The following GATB variants were observed in gnomAD, a reference collection of about 807,000 sequenced individuals.
The protein encoded by GATB is glutamyl-tRNA amidotransferase subunit B, also known as glutamyl-tRNA(Gln) amidotransferase subunit B, mitochondrial.
In GATB, 39 loss-of-function variants were observed where a neutral mutation model predicts 62.3. The observed-to-expected ratio is 0.63, with a 90% CI of 0.48 to 0.82. GATB has a LOEUF of 0.82. Among genes scored for constraint, GATB ranks in the 40% least tolerant of loss-of-function variants. The pLI is 0.00. For synonymous variants in GATB, 276 were observed against 258.9 expected (o/e 1.07, Z -0.63); for missense variants, 670 against 684.0 (o/e 0.98, Z 0.23).
At chr4:151,749,952 G>T (rs1739684541) in intron 2 of GATB, among the ~76,000 whole-genome samples, 1 of 151,982 alleles carries the variant, frequency 6.6e-6, no homozygotes, top group Admixed American at 6.5e-5. Flanking sequence ...CGCTATCTCG[G>T]CTCACTGCAA....
At chr4:151,703,990 CA>C in intron 7 of GATB, 95 bp from the exon 8 acceptor site, 1 of 751,870 alleles carries the variant, frequency 1.3e-6, no homozygotes. Flanking sequence ...GGGGCACAGG[CA>C]AAATCAAACT....
rs150933685 is a variant in GATB at position 151,701,497 on chromosome 4, C to G, written c.1029G>C (p.Leu343=). 6.4e-7 allele frequency: 1 copy of G among 1,569,198 alleles called. No homozygotes were observed. Among genetic ancestry groups the G allele is most frequent in the Non-Finnish European group, 8.7e-7 (1 of 1,155,484 alleles). Reference sequence around the variant, plus strand: ...TGGCGTCGTAGAGCACCAGGGGAGGCAGGTTGGGTTCTGGCATGAACCTGG... The same window carrying G: ...TGGCGTCGTAGAGCACCAGGGGAGGGAGGTTGGGTTCTGGCATGAACCTGG... ...QDYRFMPEPN[L]PPLVLYDATS... Residue 343 remains leucine (L), a synonymous_variant, in exon 9 of 13, where the codon CTG becomes CTC. Transcript: ENST00000263985.
intron 3 of GATB, among the ~76,000 whole-genome samples, chr4:151,718,233 C>T (rs1014895947): frequency 1.3e-5 from 2 of 152,070 alleles, no homozygotes; most frequent in African/African-American, 2.4e-5. Context: ...AAGGCTAACC[C>T]GTTTTCTATG....
intron 11 of GATB, 39 bp downstream of exon 11, chr4:151,679,774 C>G: frequency 6.5e-7 from 1 of 1,546,306 alleles, no homozygotes; most frequent in South Asian, 1.1e-5. Flanking sequence ...TTTCTTGGGA[C>G]AGTAGCACAG....
intron 9 of GATB, among the ~76,000 whole-genome samples, chr4:151,697,969 A>ATATATATATATATGTG (rs1738518131): frequency 4.9e-5 from 5 of 102,484 alleles, no homozygotes; most frequent in South Asian, 8.2e-4. Context: ...ATATATATAT[A>ATATATATATATATGTG]TATATATATA....
intron 2 of GATB, among the ~76,000 whole-genome samples, chr4:151,756,158 G>C (rs1739824486): frequency 6.6e-6 from 1 of 152,200 alleles, no homozygotes; most frequent in African/African-American, 2.4e-5. Context: ...GCCCTGCGCA[G>C]AAAGAGTTTC....
At chr4:151,696,159 G>A (rs534214836) in intron 9 of GATB, among the ~76,000 whole-genome samples, 4 of 152,166 alleles carry the variant, frequency 2.6e-5, no homozygotes, top group South Asian at 4.2e-4. Flanking sequence ...TGCAGAGGAC[G>A]GCTTATATTA....
At chr4:151,678,883 GT>G (rs59396137) in intron 11 of GATB, among the ~76,000 whole-genome samples, 34 of 151,854 alleles carry the variant, frequency 2.2e-4, no homozygotes, top group Non-Finnish European at 4.4e-4. Context: ...CTGGTTATGT[GT>G]TTTTTTTGTT....
Position 151,697,943 on chromosome 4 carries a change from G to GTGTGTGTATATATATATATA in GATB, c.1197+3385_1197+3386insTATATATATATATACACACA, listed in dbSNP as rs1560847608. 4.1e-5 allele frequency among the ~76,000 whole-genome samples: 3 copies of GTGTGTGTATATATATATATA among 73,374 alleles called. 1 individual carries two copies. The highest frequency in any genetic ancestry group is 1.5e-3 in the South Asian group (2 of 1,296). 48.1% of individuals were successfully genotyped at this position (73,374 alleles called of 152,430 possible). On this transcript the variant is annotated intron_variant, in intron 9 of 12. Coordinates refer to ENST00000263985, the MANE Select transcript of GATB (RefSeq NM_004564.3). ...AAAAATCGATTTCATATATATGTGT[G>GTGTGTGTATATATATATATA]TGTGTGTGTGTATATATATATATAT...
intron 2 of GATB, among the ~76,000 whole-genome samples, chr4:151,736,296 A>C (rs535314148): frequency 6.6e-6 from 1 of 152,324 alleles, no homozygotes; most frequent in African/African-American, 2.4e-5. Context: ...TGCATAATCA[A>C]GAGTATGAAA....
rs1046906383 is a variant in GATB, at chr4:151,717,800, T to C, written c.442-726A>G. ...AGAGACAGCAGGTCAATGAGGAGAA[T>C]TGGAGAAGAACAGAGAATAAAAGCA... On this transcript the variant is annotated intron_variant, in intron 3 of 12. Transcript: ENST00000263985. 3.9e-5 allele frequency among the ~76,000 whole-genome samples: 6 copies of C among 152,164 alleles called. 1 individual carries two copies. The South Asian group carries it at 8.3e-4, about 21-fold the overall frequency.
chr4:151,692,809 GTATTT>G (rs1163903613), intron 9 of GATB, among the ~76,000 whole-genome samples: 2 of 152,308 alleles, frequency 1.3e-5, no homozygotes, highest in East Asian at 1.9e-4. Flanking sequence ...TGAGCATATT[GTATTT>G]TATTTATTAT....
intron 6 of GATB, among the ~76,000 whole-genome samples, chr4:151,705,606 C>T (rs780931036): frequency 6.6e-6 from 1 of 152,102 alleles, no homozygotes; most frequent in Non-Finnish European, 1.5e-5. Context: ...GGGCCCTTAC[C>T]CTGGGAGTCT....
intron 8 of GATB, 102 bp from the exon 9 acceptor site, chr4:151,701,620 T>C (rs1042722626): frequency 8.8e-5 from 71 of 809,434 alleles, no homozygotes; most frequent in Middle Eastern, 3.3e-4. Flanking sequence ...TTAGATGCCA[T>C]GTTACTTGCA....
intron 7 of GATB, among the ~76,000 whole-genome samples, 153 bp downstream of exon 7, chr4:151,705,032 G>T (rs994711619): frequency 6.6e-6 from 1 of 152,122 alleles, no homozygotes; most frequent in African/African-American, 2.4e-5. Context: ...CAGGCATGAA[G>T]GGTACAGTAC....
chr4:151,699,787 C>T (rs1738562429), intron 9 of GATB, among the ~76,000 whole-genome samples: 1 of 152,070 alleles, frequency 6.6e-6, no homozygotes, highest in Admixed American at 6.5e-5. Flanking sequence ...TACACACACA[C>T]ACACACACAA....
At chr4:151,680,291 A>C (rs1368021723) in intron 10 of GATB, among the ~76,000 whole-genome samples, 3 of 151,828 alleles carry the variant, frequency 2.0e-5, no homozygotes, top group Non-Finnish European at 4.4e-5. Context: ...AAAAAAAAAA[A>C]ACCAGCTAAC....
chr4:151,690,123 G>A (rs983299162), intron 9 of GATB, among the ~76,000 whole-genome samples: 1 of 152,076 alleles, frequency 6.6e-6, no homozygotes, highest in Non-Finnish European at 1.5e-5. Context: ...AGAATTTTCT[G>A]GAAAAAATGA....
chr4:151,696,631 C>G (rs1738474911), intron 9 of GATB, among the ~76,000 whole-genome samples: 1 of 152,176 alleles, frequency 6.6e-6, no homozygotes, highest in African/African-American at 2.4e-5. Context: ...GAGCAGCAGT[C>G]CCTGCCTCAG....
Sources: gnomAD v4.1 joint callset for allele counts (sites outside exome capture counted in the v4.1 genomes callset) on GRCh38, gnomAD v4.1.1 for gene constraint, MANE v1.5 for transcripts, NCBI Gene and HGNC (gene_info 2026-07-23, HGNC 2026-07-21) for gene names.